FRAT2: variants seen among roughly 807,000 people sequenced by gnomAD.
The protein encoded by FRAT2 is FRAT regulator of Wnt signaling pathway 2.
For synonymous variants in FRAT2, 205 were observed against 171.5 expected (o/e 1.20, Z -1.53); for missense variants, 326 against 340.8 (o/e 0.96, Z 0.34).
In FRAT2 at chr10:97,333,253, C is replaced by A. The variant is rs2134972087; in HGVS notation, c.*618G>T. 1 of 152,344 alleles carries A rather than the reference C, an allele frequency of 6.6e-6. No individual in the cohort carries two copies. Among genetic ancestry groups the A allele is most frequent in the East Asian group, 1.9e-4 (1 of 5,174 alleles). The allele number at this position is 152,344 out of a possible 1,614,324, so 9.4% of individuals were successfully genotyped here. On this transcript the variant is annotated 3_prime_UTR_variant, in exon 1 of 1. Transcript: ENST00000371019. ...TCCACATTCAAATCCAAATCTCCCA[C>A]CTGCAAAATTCTTCACCTCTCTCCA...
Position 97,334,230 on chromosome 10 carries a change from G to T in FRAT2, c.343C>A (p.Leu115Ile). Reference sequence around the variant, plus strand: ...CCGCGCACGCGGCCGCGGTCCCCTAGGGCGCAGCGCAGGGCCCCAGAGGGC... The same window carrying T: ...CCGCGCACGCGGCCGCGGTCCCCTATGGCGCAGCGCAGGGCCCCAGAGGGC... ...PAPSGALRCA[L>I]GDRGRVRGRA... is the part of the protein sequence containing the mutation. The change falls in exon 1 of 1, where the codon CTA becomes ATA. Residue 115 changes from leucine (L) to isoleucine (I), a missense_variant. Physicochemically the swap from Leu to Ile is conservative, Grantham distance 5. Transcript: ENST00000371019. The T allele has an allele frequency of 8.1e-7, 1 of 1,235,988 alleles. No individual in the cohort carries two copies. The highest frequency in any genetic ancestry group is 1.0e-6 in the Non-Finnish European group (1 of 992,226). 76.6% of individuals were successfully genotyped at this position (1,235,988 alleles called of 1,614,324 possible). A position where few individuals can be genotyped will look rare whatever the true frequency, so the allele number is the denominator to read the frequency against.
At position 97,333,921 on chromosome 10, in the gene FRAT2, G is replaced by T. The variant is rs770243249; in HGVS notation, c.652C>A (p.Arg218Ser). 4 of 1,570,962 alleles carry T rather than the reference G, an allele frequency of 2.5e-6. No individual in the cohort carries two copies. The African/African-American group carries it at 5.4e-5, about 21-fold the overall frequency. Reference protein sequence around the residue: ...PASAPGPGGGRSGPDRIALQP... With the variant: ...PASAPGPGGGSSGPDRIALQP... ...AGGGCAATGCGGTCAGGTCCGCTGC[G>T]GCCTCCCCCGGGCCCAGGGGCGCTT... Residue 218 changes from arginine to serine, a missense_variant, in exon 1 of 1, where the codon CGC (arginine) becomes AGC (serine). Coordinates refer to ENST00000371019, the MANE Select transcript of FRAT2 (RefSeq NM_012083.3).
rs1187402845 is a variant in FRAT2 at position 97,332,868 on chromosome 10, G to C, written c.*1003C>G. On this transcript the variant is annotated 3_prime_UTR_variant, in exon 1 of 1. Coordinates refer to ENST00000371019, the MANE Select transcript of FRAT2 (RefSeq NM_012083.3). ...CAGAAGAGAGCAGAAAAACGTCCAG[G>C]GTCTCTCATGCATTCCTATAGACAC... is the stretch of plus-strand genomic sequence containing the variant. 6.6e-6 allele frequency: 1 copy of C among 152,158 alleles called. No homozygotes were observed. Among genetic ancestry groups the C allele is most frequent in the Non-Finnish European group, 1.5e-5 (1 of 68,044 alleles). 9.4% of individuals were successfully genotyped at this position (152,158 alleles called of 1,614,324 possible). A position where few individuals can be genotyped will look rare whatever the true frequency, so the allele number is the denominator to read the frequency against.
In FRAT2 at chr10:97,333,539, G is replaced by T. The variant is rs1843544684; in HGVS notation, c.*332C>A. ...CCCTCCTTAAACAATCCAAGCTCAC[G>T]ACGCCCCCAAGGGCTAAGTGAGGTA... On this transcript the variant is annotated 3_prime_UTR_variant, in exon 1 of 1. Coordinates refer to ENST00000371019, the MANE Select transcript of FRAT2 (RefSeq NM_012083.3). The T allele has an allele frequency of 3.4e-6, 1 of 295,548 alleles. No homozygotes were observed. The highest frequency in any genetic ancestry group is 2.2e-5 in the African/African-American group (1 of 46,444). The allele number at this position is 295,548 out of a possible 1,614,324, so 18.3% of individuals were successfully genotyped here.
chr10:97,334,048 CG>C lies in FRAT2; in HGVS notation c.524del (p.Pro175ArgfsTer73). 6.3e-7 allele frequency: 1 copy of C among 1,595,714 alleles called. No individual in the cohort carries two copies. The highest frequency in any genetic ancestry group is 1.3e-5 in the African/African-American group (1 of 74,884). On this transcript the variant is annotated frameshift_variant, in exon 1 of 1. Coordinates refer to ENST00000371019, the MANE Select transcript of FRAT2 (RefSeq NM_012083.3). LOFTEE classifies it low-confidence loss of function (END_TRUNC). ...QAGARAGDDDPHRLLQQLVLS... is the reference protein window; with the variant it reads ...QAGARAGDDDXHRLLQQLVLS... Reference sequence around the variant, plus strand: ...GCACGAGCTGCTGGAGGAGCCGATGCGGGTCGTCGTCGCCGGCGCGTGCCCC... The same window carrying C: ...GCACGAGCTGCTGGAGGAGCCGATGCGGTCGTCGTCGCCGGCGCGTGCCCC...
Position 97,334,306 on chromosome 10 carries a change from C to A in FRAT2, c.267G>T (p.Pro89=). ...CGGGCGGCAGCAGCAGCGGCACCGCCGGGGGCCGGGCCTTGTCCGCCGGCA... is the reference window on the plus strand; with the variant it reads ...CGGGCGGCAGCAGCAGCGGCACCGCAGGGGGCCGGGCCTTGTCCGCCGGCA... ...AAVPADKARP[P]AVPLLLPPAS... Residue 89 remains proline, a synonymous_variant, in exon 1 of 1, where the codon CCG becomes CCT. Transcript: ENST00000371019. 1 of 1,133,164 alleles carries A rather than the reference C, an allele frequency of 8.8e-7. No individual in the cohort carries two copies. The highest frequency in any genetic ancestry group is 1.1e-6 in the Non-Finnish European group (1 of 926,478). The allele number at this position is 1,133,164 out of a possible 1,614,324, so 70.2% of individuals were successfully genotyped here. A position where few individuals can be genotyped will look rare whatever the true frequency, so the allele number is the denominator to read the frequency against.
rs61863770 is a variant in FRAT2 at position 97,333,828 on chromosome 10, G to A, written c.*43C>T. On this transcript the variant is annotated 3_prime_UTR_variant, in exon 1 of 1. Transcript: ENST00000371019. ...AGTTAGTAGGAACTGGACGCTGTTG[G>A]GTCTACGCAGCGGCCTCCACTTCCT... 5.6e-6 allele frequency: 8 copies of A among 1,440,288 alleles called. No individual in the cohort carries two copies. Among genetic ancestry groups the A allele is most frequent in the Non-Finnish European group, 7.3e-6 (8 of 1,098,686 alleles). The allele number at this position is 1,440,288 out of a possible 1,614,324, so 89.2% of individuals were successfully genotyped here.
chr10:97,333,658 C>G lies in FRAT2; in HGVS notation c.*213G>C, dbSNP rs1843545985. ...GAAATTCTCATGCCCCACGGAAGCA[C>G]CCTGGCGCATACATTTCTCCACGCT... On this transcript the variant is annotated 3_prime_UTR_variant, in exon 1 of 1. Coordinates refer to ENST00000371019, the MANE Select transcript of FRAT2 (RefSeq NM_012083.3). The G allele has an allele frequency of 2.0e-6, 1 of 493,444 alleles. No individual in the cohort carries two copies. Among genetic ancestry groups the G allele is most frequent in the Non-Finnish European group, 3.5e-6 (1 of 288,206 alleles). The allele number at this position is 493,444 out of a possible 1,614,324, so 30.6% of individuals were successfully genotyped here. A position where few individuals can be genotyped will look rare whatever the true frequency, so the allele number is the denominator to read the frequency against.
At position 97,333,641 on chromosome 10, in the gene FRAT2, C is replaced by T; in HGVS notation, c.*230G>A. On this transcript the variant is annotated 3_prime_UTR_variant, in exon 1 of 1. Coordinates refer to ENST00000371019, the MANE Select transcript of FRAT2 (RefSeq NM_012083.3). ...GGGCTTGGATGGCCCGGGAAATTCTCATGCCCCACGGAAGCACCCTGGCGC... is the reference window on the plus strand; with the variant it reads ...GGGCTTGGATGGCCCGGGAAATTCTTATGCCCCACGGAAGCACCCTGGCGC... The T allele has an allele frequency of 2.2e-6, 1 of 454,676 alleles. No homozygotes were observed. Among genetic ancestry groups the T allele is most frequent in the Non-Finnish European group, 3.8e-6 (1 of 260,234 alleles). 28.2% of individuals were successfully genotyped at this position (454,676 alleles called of 1,614,324 possible). A position where few individuals can be genotyped will look rare whatever the true frequency, so the allele number is the denominator to read the frequency against.
Position 97,334,233 on chromosome 10 carries a change from C to A in FRAT2, c.340G>T (p.Ala114Ser). ...GPAPSGALRC[A>S]LGDRGRVRGR... The stretch of plus-strand genomic sequence containing the variant: ...CGCACGCGGCCGCGGTCCCCTAGGG[C>A]GCAGCGCAGGGCCCCAGAGGGCGCC... Residue 114 changes from alanine to serine, a missense_variant, in exon 1 of 1, where the codon GCC becomes TCC. Transcript: ENST00000371019. 8.1e-7 allele frequency: 1 copy of A among 1,227,338 alleles called. No homozygotes were observed. Among genetic ancestry groups the A allele is most frequent in the Non-Finnish European group, 1.0e-6 (1 of 986,738 alleles). The allele number at this position is 1,227,338 out of a possible 1,614,324, so 76.0% of individuals were successfully genotyped here.
chr10:97,333,681 G>A lies in FRAT2; in HGVS notation c.*190C>T. ...CACCCTGGCGCATACATTTCTCCAC[G>A]CTTAAGTTTTCTCCGACGGCCTCGC... On this transcript the variant is annotated 3_prime_UTR_variant, in exon 1 of 1. Coordinates refer to ENST00000371019, the MANE Select transcript of FRAT2 (RefSeq NM_012083.3). 5.4e-6 allele frequency: 3 copies of A among 556,468 alleles called. No individual in the cohort carries two copies. The highest frequency in any genetic ancestry group is 8.8e-6 in the Non-Finnish European group (3 of 341,548). The allele number at this position is 556,468 out of a possible 1,614,324, so 34.5% of individuals were successfully genotyped here.
In FRAT2 at chr10:97,333,696, G is replaced by A. The variant is rs1039378646; in HGVS notation, c.*175C>T. The A allele has an allele frequency of 1.6e-6, 1 of 616,110 alleles. No individual in the cohort carries two copies. Among genetic ancestry groups the A allele is most frequent in the African/African-American group, 1.9e-5 (1 of 52,094 alleles). 38.2% of individuals were successfully genotyped at this position (616,110 alleles called of 1,614,324 possible). A position where few individuals can be genotyped will look rare whatever the true frequency, so the allele number is the denominator to read the frequency against. On this transcript the variant is annotated 3_prime_UTR_variant, in exon 1 of 1. Transcript: ENST00000371019. ...ATTTCTCCACGCTTAAGTTTTCTCC[G>A]ACGGCCTCGCCGCGGCTGGTAACTT...
In FRAT2 at chr10:97,332,644, T is replaced by C. The variant is rs930360208; in HGVS notation, c.*1227A>G. 6.6e-6 allele frequency: 1 copy of C among 152,204 alleles called. No homozygotes were observed. The highest frequency in any genetic ancestry group is 1.5e-5 in the Non-Finnish European group (1 of 68,050). The allele number at this position is 152,204 out of a possible 1,614,324, so 9.4% of individuals were successfully genotyped here. On this transcript the variant is annotated 3_prime_UTR_variant, in exon 1 of 1. Transcript: ENST00000371019. ...AACAAGCCATTGAATCTTTTAAAAA[T>C]TGGTTTAGCTACCTTAAAGTTTGGG...
At position 97,334,530 on chromosome 10, in the gene FRAT2, C is replaced by T; in HGVS notation, c.43G>A (p.Ala15Thr). The T allele has an allele frequency of 6.7e-7, 1 of 1,493,966 alleles. No homozygotes were observed. Among genetic ancestry groups the T allele is most frequent in the East Asian group, 2.9e-5 (1 of 34,912 alleles). The allele number at this position is 1,493,966 out of a possible 1,614,324, so 92.5% of individuals were successfully genotyped here. A position where few individuals can be genotyped will look rare whatever the true frequency, so the allele number is the denominator to read the frequency against. The change falls in exon 1 of 1, where the codon GCG becomes ACG. Residue 15 changes from alanine (A) to threonine (T), a missense_variant. By Grantham distance (58) the Ala-to-Thr change is moderately conservative. Transcript: ENST00000371019. The part of the protein sequence containing the change: ...REEEEEAGEE[A>T]EGEEEEDDSF... ...TCGTCCTCCTCTTCCTCCCCCTCCGCCTCCTCGCCGGCTTCCTCTTCCTCC... is the reference window on the plus strand; with the variant it reads ...TCGTCCTCCTCTTCCTCCCCCTCCGTCTCCTCGCCGGCTTCCTCTTCCTCC...
chr10:97,333,945 T>C lies in FRAT2; in HGVS notation c.628A>G (p.Ser210Gly), dbSNP rs1843549448. The C allele has an allele frequency of 1.3e-6, 2 of 1,575,802 alleles. No homozygotes were observed. ...VAAVAATGPA[S>G]APGPGGGRSG... ...CGGCCTCCCCCGGGCCCAGGGGCGC[T>C]TGCGGGGCCCGTGGCTGCAACCGCG... is the stretch of plus-strand genomic sequence containing the variant. The change falls in exon 1 of 1, where the codon AGC becomes GGC. Residue 210 changes from serine (S) to glycine (G), a missense_variant. Ser to Gly is a moderately conservative substitution (Grantham distance 56). Coordinates refer to ENST00000371019, the MANE Select transcript of FRAT2 (RefSeq NM_012083.3).
chr10:97,334,492 C>A lies in FRAT2; in HGVS notation c.81G>T (p.Leu27=). The change falls in exon 1 of 1, where the codon CTG becomes CTT. Residue 27 remains leucine (L), a synonymous_variant. Coordinates refer to ENST00000371019, the MANE Select transcript of FRAT2 (RefSeq NM_012083.3). ...TGCCCAGCGTCACCGACTGCTGCAG[C>A]AGGAGGAAGCTGTCGTCCTCCTCTT... The part of the protein sequence containing the change: ...GEEEEDDSFL[L]LQQSVTLGSS... The A allele has an allele frequency of 3.3e-6, 5 of 1,493,766 alleles. No homozygotes were observed. Among genetic ancestry groups the A allele is most frequent in the Non-Finnish European group, 4.4e-6 (5 of 1,126,646 alleles). The allele number at this position is 1,493,766 out of a possible 1,614,324, so 92.5% of individuals were successfully genotyped here.
At position 97,333,587 on chromosome 10, in the gene FRAT2, A is replaced by G. The variant is rs1344266516; in HGVS notation, c.*284T>C. The G allele has an allele frequency of 1.3e-5, 5 of 391,490 alleles. No individual in the cohort carries two copies. The highest frequency in any genetic ancestry group is 2.3e-5 in the Non-Finnish European group (5 of 219,600). The allele number at this position is 391,490 out of a possible 1,614,324, so 24.3% of individuals were successfully genotyped here. Reference sequence around the variant, plus strand: ...GTACAAGTCGATGCAAGTAGCTGCCATAGTTCTCCCAGTTTATCCCAGGTC... The same window carrying G: ...GTACAAGTCGATGCAAGTAGCTGCCGTAGTTCTCCCAGTTTATCCCAGGTC... On this transcript the variant is annotated 3_prime_UTR_variant, in exon 1 of 1. Transcript: ENST00000371019.
rs1226662371 is a variant in FRAT2 at position 97,333,971 on chromosome 10, G to T, written c.602C>A (p.Ala201Asp). The change falls in exon 1 of 1, where the codon GCC becomes GAC. Residue 201 changes from alanine (A) to aspartate (D), a missense_variant. Ala to Asp is a moderately radical substitution (Grantham distance 126, BLOSUM62 -2). Coordinates refer to ENST00000371019, the MANE Select transcript of FRAT2 (RefSeq NM_012083.3). ...EAVRRLQRAV[A>D]AVAATGPASA... is the part of the protein sequence containing the mutation. ...TGCGGGGCCCGTGGCTGCAACCGCG[G>T]CGACGGCTCGTTGGAGTCTCCGCAC... 1 of 1,581,606 alleles carries T rather than the reference G, an allele frequency of 6.3e-7. No homozygotes were observed. The highest frequency in any genetic ancestry group is 8.5e-7 in the Non-Finnish European group (1 of 1,171,796).
Position 97,333,970 on chromosome 10 carries a change from G to A in FRAT2, c.603C>T (p.Ala201=), listed in dbSNP as rs1843550278. The change falls in exon 1 of 1, where the codon GCC becomes GCT. Residue 201 remains alanine (A), a synonymous_variant. Transcript: ENST00000371019. ...TTGCGGGGCCCGTGGCTGCAACCGC[G>A]GCGACGGCTCGTTGGAGTCTCCGCA... The part of the protein sequence containing the change: ...EAVRRLQRAV[A]AVAATGPASA... The A allele has an allele frequency of 6.3e-7, 1 of 1,581,756 alleles. No individual in the cohort carries two copies.
Sources: allele counts gnomAD v4.1 joint callset, GRCh38; gene constraint gnomAD v4.1.1; transcripts MANE v1.5; gene names NCBI Gene and HGNC (gene_info 2026-07-23, HGNC 2026-07-21).